The following AQR variants were observed in gnomAD, a reference collection of about 807,000 sequenced individuals.
AQR encodes RNA helicase aquarius.
In AQR, 61 loss-of-function variants were observed where a neutral mutation model predicts 180.5. That is an observed-to-expected ratio of 0.34 (90% CI 0.28 to 0.42). AQR has a LOEUF of 0.42. Among genes scored for constraint, AQR ranks in the 10% least tolerant of loss-of-function variants. The pLI, the probability that AQR is intolerant of heterozygous loss-of-function variation, is 1.00. For synonymous variants in AQR, 551 were observed against 588.8 expected (o/e 0.94, Z 0.93); for missense variants, 1,281 against 1,798.3 (o/e 0.71, Z 5.20).
intron 12 of AQR, 60 bp downstream of exon 12, chr15:34,930,198 T>TA: frequency 9.7e-7 from 1 of 1,030,870 alleles, no homozygotes; most frequent in Non-Finnish European, 1.5e-6. Flanking sequence ...ATACAAAACC[T>TA]AAATTGCAGT....
At chr15:34,951,676 A>G (rs903324824) in intron 4 of AQR, among the ~76,000 whole-genome samples, 1 of 152,062 alleles carries the variant, frequency 6.6e-6, no homozygotes, top group Non-Finnish European at 1.5e-5. Flanking sequence ...TCAAAAAAAA[A>G]AAAAAAAAAA....
At chr15:34,932,245 C>T (rs1893875808) in intron 11 of AQR, 73 bp downstream of exon 11, 3 of 1,276,772 alleles carry the variant, frequency 2.3e-6, no homozygotes, top group Admixed American at 1.7e-5. Context: ...CCTGATACTC[C>T]CAGTTGTGTG....
intron 34 of AQR, among the ~76,000 whole-genome samples, chr15:34,857,364 G>C (rs1892601532): frequency 6.6e-6 from 1 of 152,170 alleles, no homozygotes; most frequent in Non-Finnish European, 1.5e-5. Flanking sequence ...AGATTTTTAA[G>C]CAACATACTT....
chr15:34,944,058 TTAAG>T (rs1400890032), intron 6 of AQR, among the ~76,000 whole-genome samples: 1 of 152,176 alleles, frequency 6.6e-6, no homozygotes, highest in East Asian at 1.9e-4. Flanking sequence ...ATAGAAAAAA[TTAAG>T]TATCAATTTC....
chr15:34,911,556 C>T (rs911786666), intron 16 of AQR, among the ~76,000 whole-genome samples: 1 of 152,154 alleles, frequency 6.6e-6, no homozygotes, highest in Non-Finnish European at 1.5e-5. Flanking sequence ...TGATGTGGAA[C>T]ACCTTTTCAT....
rs1456078511 is a variant in AQR, at chr15:34,867,546, T to A, written c.3832A>T (p.Thr1278Ser). The A allele has an allele frequency of 2.5e-6, 4 of 1,612,822 alleles. No homozygotes were observed. The highest frequency in any genetic ancestry group is 3.4e-6 in the Non-Finnish European group (4 of 1,179,336). Reference sequence around the variant, plus strand: ...TACCTCAGATGGCCCACTGCCCTGGTTCGTACCAGAGAAAGAAGAATATAG... The same window carrying A: ...TACCTCAGATGGCCCACTGCCCTGGATCGTACCAGAGAAAGAAGAATATAG... ...NDYILLSLVR[T>S]RAVGHLRDVR... The change falls in exon 32 of 35, where the codon ACC (threonine) becomes TCC (serine). Residue 1278 changes from threonine (T) to serine (S), a missense_variant. By Grantham distance (58) the Thr-to-Ser change is moderately conservative. Around this residue, in one of 9 missense-constraint regions of AQR, gnomAD observed 197 missense variants for 320.7 expected, o/e 0.61. Coordinates refer to ENST00000156471, the MANE Select transcript of AQR (RefSeq NM_014691.3).
rs182837812 is a variant in AQR, at chr15:34,957,500, A to T, written c.173+3274T>A. 4.0e-5 allele frequency among the ~76,000 whole-genome samples: 6 copies of T among 151,696 alleles called. No individual in the cohort carries two copies. In the East Asian group the frequency reaches 1.2e-3, roughly 30 times the overall value. ...GGCAAGCGGATCACCTGAGTTCGGG[A>T]GTGACAGCCTGACAAACGTGGAGAA... On this transcript the variant is annotated intron_variant, in intron 3 of 34. Transcript: ENST00000156471.
At chr15:34,903,960 C>A (rs1837338626) in intron 19 of AQR, among the ~76,000 whole-genome samples, 1 of 151,942 alleles carries the variant, frequency 6.6e-6, no homozygotes, top group South Asian at 2.1e-4. Flanking sequence ...TGGAAGTATA[C>A]CTACTTTTGA....
chr15:34,923,705 G>A (rs1278404062), intron 13 of AQR, among the ~76,000 whole-genome samples: 1 of 152,108 alleles, frequency 6.6e-6, no homozygotes, highest in East Asian at 1.9e-4. Context: ...GAGTTGCCTT[G>A]ACACATTAGT....
rs531269434 is a variant in AQR, at chr15:34,878,901, G to T, written c.3166-2895C>A. ...AAATTAGCTGGGCCTGGTGGCGGGT[G>T]CCTGTAATCCCAGCTACTTGGGAGG... is the stretch of plus-strand genomic sequence containing the variant. On this transcript the variant is annotated intron_variant, in intron 27 of 34. Transcript: ENST00000156471. Among the ~76,000 whole-genome samples, 3 of 152,094 alleles carry T rather than the reference G, an allele frequency of 2.0e-5. No individual in the cohort carries two copies. In the South Asian group the frequency reaches 6.2e-4, roughly 32 times the overall value.
Position 34,969,651 on chromosome 15 carries a change from GA to G in AQR, c.-39del, listed in dbSNP as rs2050333431. The G allele has an allele frequency of 6.2e-7, 1 of 1,604,674 alleles. No homozygotes were observed. Among genetic ancestry groups the G allele is most frequent in the South Asian group, 1.1e-5 (1 of 90,596 alleles). On this transcript the variant is annotated 5_prime_UTR_variant, in exon 1 of 35. Coordinates refer to ENST00000156471, the MANE Select transcript of AQR (RefSeq NM_014691.3). The stretch of plus-strand genomic sequence containing the variant: ...CCCTCCACTCCAGTGGAAACTAAAG[GA>G]CCGCTCTGGGCAGCGGCAACCCTGG...
chr15:34,927,103 A>G lies in AQR; in HGVS notation c.1050T>C (p.Asp350=). 6.3e-7 allele frequency: 1 copy of G among 1,592,278 alleles called. No individual in the cohort carries two copies. The highest frequency in any genetic ancestry group is 8.6e-7 in the Non-Finnish European group (1 of 1,169,006). ...AAFAHFPELY[D]FALSNVAEVD... is the part of the protein sequence containing the mutation. ...CTTCTGCCACATTTGAGAGGGCAAA[A>G]TCATAGAGTTCAGGAAAATGTGCAA... Residue 350 remains aspartate, a synonymous_variant, in exon 13 of 35, where the codon GAT becomes GAC. Coordinates refer to ENST00000156471, the MANE Select transcript of AQR (RefSeq NM_014691.3).
chr15:34,968,254 GAT>G (rs1491305363), intron 1 of AQR, among the ~76,000 whole-genome samples: 3 of 77,590 alleles, frequency 3.9e-5, no homozygotes, highest in Non-Finnish European at 6.7e-5. Context: ...GGAAGGAAGA[GAT>G]TTTTTTTTTT....
chr15:34,894,772 G>A (rs1893205123), intron 22 of AQR, among the ~76,000 whole-genome samples: 1 of 152,110 alleles, frequency 6.6e-6, no homozygotes. Flanking sequence ...TCAACCTGAA[G>A]TGACATAATA....
intron 9 of AQR, among the ~76,000 whole-genome samples, chr15:34,938,019 G>C (rs1470336727): frequency 6.6e-6 from 1 of 151,372 alleles, no homozygotes; most frequent in African/African-American, 2.4e-5. Flanking sequence ...TAGTCTTTTA[G>C]CTCATATCTC....
At chr15:34,920,161 C>T (rs1218172892) in intron 14 of AQR, among the ~76,000 whole-genome samples, 171 bp downstream of exon 14, 3 of 151,942 alleles carry the variant, frequency 2.0e-5, no homozygotes, top group Non-Finnish European at 2.9e-5. Context: ...TAAAGAAATT[C>T]GAAAGATGAG....
intron 17 of AQR, 29 bp from the exon 18 acceptor site, chr15:34,906,741 A>T: frequency 6.3e-7 from 1 of 1,591,754 alleles, no homozygotes. Flanking sequence ...ATTTTCATTT[A>T]TTAGAATTTC....
In AQR at chr15:34,856,669, A is replaced by C. The variant is rs1448870922; in HGVS notation, c.*123T>G. 1.1e-5 allele frequency: 9 copies of C among 788,042 alleles called. No homozygotes were observed. In the African/African-American group the frequency reaches 1.4e-4, roughly 12 times the overall value. The allele number at this position is 788,042 out of a possible 1,614,324, so 48.8% of individuals were successfully genotyped here. A position where few individuals can be genotyped will look rare whatever the true frequency, so the allele number is the denominator to read the frequency against. On this transcript the variant is annotated 3_prime_UTR_variant, in exon 35 of 35. Coordinates refer to ENST00000156471, the MANE Select transcript of AQR (RefSeq NM_014691.3). ...ATTCAAGACACCGAAATCAGTTAAC[A>C]AATATAAGAACTAAACATTAATTAG...
chr15:34,878,257 G>A (rs1311980755), intron 27 of AQR, among the ~76,000 whole-genome samples: 2 of 151,786 alleles, frequency 1.3e-5, no homozygotes, highest in Non-Finnish European at 2.9e-5. Flanking sequence ...GTGGTGGCAC[G>A]TGCCTGTAAT....
Sources: allele counts gnomAD v4.1 joint callset (sites outside exome capture counted in the v4.1 genomes callset), GRCh38; gene constraint gnomAD v4.1.1; regional missense constraint gnomAD v4.1.1; transcripts MANE v1.5; gene names NCBI Gene and HGNC (gene_info 2026-07-23, HGNC 2026-07-21).